ZNF675: variants seen among roughly 807,000 people sequenced by gnomAD.
ZNF675 encodes the protein zinc finger protein 675, also known as TRAF6 inhibitory zinc finger.
A neutral mutation model predicts 56.1 loss-of-function variants in ZNF675; 36 were observed. That is an observed-to-expected ratio of 0.64 (90% CI 0.49 to 0.85). The LOEUF is 0.85. ZNF675 is among the 40% of genes least tolerant of loss of function. The pLI is 0.00. For missense variants in ZNF675, 663 were observed against 654.2 expected, an observed-to-expected ratio of 1.01 and a Z score of -0.15; for synonymous variants, 200 against 218.9, an observed-to-expected ratio of 0.91 and a Z score of 0.76.
rs749885139 is a variant in ZNF675, at chr19:23,653,356, T to C, written c.1577A>G (p.His526Arg). 17 of 1,613,736 alleles carry C rather than the reference T, an allele frequency of 1.1e-5. No homozygotes were observed. Among genetic ancestry groups the C allele is most frequent in the Admixed American group, 1.0e-4 (6 of 60,020 alleles). The change falls in exon 4 of 4, where the codon CAT becomes CGT. Residue 526 changes from histidine to arginine, a missense_variant. By Grantham distance (29) the His-to-Arg change is conservative. Coordinates refer to ENST00000359788, the MANE Select transcript of ZNF675 (RefSeq NM_138330.3). ...AFSRSSKLTE[H>R]KIIHTGEKPY... ...TTTCTCTCCAGTATGAATTATCTTA[T>C]GTTCAGTAAGTTTTGAGGATCGGCT...
chr19:23,668,142 G>C (rs947759428), intron 1 of ZNF675, among the ~76,000 whole-genome samples: 3 of 150,854 alleles, frequency 2.0e-5, no homozygotes, highest in African/African-American at 7.3e-5. Flanking sequence ...TGAGGAGCTA[G>C]ACACAGGGTG....
rs1340202990 is a variant in ZNF675, at chr19:23,687,045, CA to C, written c.-13del. On this transcript the variant is annotated 5_prime_UTR_variant, in exon 1 of 4. Transcript: ENST00000359788. ...GTAACTCTCACCATTTCTAGGCTTC[CA>C]GGGGGTCCTGGAGTCTTAGCTGTGG... The C allele has an allele frequency of 6.2e-7, 1 of 1,613,564 alleles. No homozygotes were observed. The highest frequency in any genetic ancestry group is 8.5e-7 in the Non-Finnish European group (1 of 1,179,736).
rs764228470 is a variant in ZNF675 at position 23,653,430 on chromosome 19, A to G, written c.1503T>C (p.Ile501=). 4.3e-6 allele frequency: 7 copies of G among 1,612,800 alleles called. No homozygotes were observed. In the South Asian group the frequency reaches 7.7e-5, roughly 18 times the overall value. ...HSSSLTTHKR[I]HTGEKPYKCE... ...ATTTGTAGGGTTTCTCCCCAGTATGAATTCTTTTATGTGTAGTAAGGGATG... is the reference window on the plus strand; with the variant it reads ...ATTTGTAGGGTTTCTCCCCAGTATGGATTCTTTTATGTGTAGTAAGGGATG... Residue 501 remains isoleucine, a synonymous_variant, in exon 4 of 4, where the codon ATT becomes ATC. Transcript: ENST00000359788.
intron 1 of ZNF675, among the ~76,000 whole-genome samples, chr19:23,684,064 A>G (rs1264606149): frequency 1.3e-5 from 2 of 150,892 alleles, no homozygotes; most frequent in Non-Finnish European, 3.0e-5. Flanking sequence ...GATCAAGACC[A>G]TCCTGGCTAA....
In ZNF675 at chr19:23,654,863, A is replaced by ACG; in HGVS notation, c.227-158_227-157insCG. 3 of 340,216 alleles carry ACG rather than the reference A, an allele frequency of 8.8e-6. No homozygotes were observed. The East Asian group carries it at 1.2e-4, about 13-fold the overall frequency. 21.1% of individuals were successfully genotyped at this position (340,216 alleles called of 1,614,324 possible). On this transcript the variant is annotated intron_variant, in intron 3 of 3. Coordinates refer to ENST00000359788, the MANE Select transcript of ZNF675 (RefSeq NM_138330.3). The stretch of plus-strand genomic sequence containing the variant: ...CCAGGTGAGCACAATGCAAAGAGCC[A>ACG]CATAGAAAAAAAAAAAAAATTCTGT...
intron 1 of ZNF675, among the ~76,000 whole-genome samples, chr19:23,669,103 T>A (rs1397730639): frequency 6.6e-6 from 1 of 152,154 alleles, no homozygotes; most frequent in Admixed American, 6.5e-5. Flanking sequence ...GACCTTTTCC[T>A]TTTCTCCTTT....
chr19:23,661,430 C>A (rs556372226), intron 3 of ZNF675, among the ~76,000 whole-genome samples: 1 of 149,988 alleles, frequency 6.7e-6, no homozygotes. Context: ...GTGGCTCACA[C>A]CTGTAATCCC....
intron 1 of ZNF675, among the ~76,000 whole-genome samples, chr19:23,680,209 A>G (rs1023556233): frequency 1.3e-5 from 2 of 151,330 alleles, no homozygotes; most frequent in Non-Finnish European, 2.9e-5. Context: ...AGGCTGAGGC[A>G]GGTGACTCGC....
intron 1 of ZNF675, among the ~76,000 whole-genome samples, chr19:23,670,802 C>A (rs1007392310): frequency 1.3e-5 from 2 of 152,140 alleles, no homozygotes; most frequent in African/African-American, 4.8e-5. Flanking sequence ...TTTGATCTCT[C>A]ATGGAGAGAT....
intron 2 of ZNF675, among the ~76,000 whole-genome samples, chr19:23,662,552 A>G (rs1968092998): frequency 6.6e-6 from 1 of 152,256 alleles, no homozygotes; most frequent in African/African-American, 2.4e-5. Flanking sequence ...AACATACTAA[A>G]GAAATTCTTC....
intron 1 of ZNF675, among the ~76,000 whole-genome samples, chr19:23,675,837 A>T (rs1457004554): frequency 6.6e-6 from 1 of 151,660 alleles, no homozygotes. Context: ...AAAACAACAA[A>T]TAACTAAAAT....
At chr19:23,663,887 A>G (rs912361219) in intron 1 of ZNF675, among the ~76,000 whole-genome samples, 5 of 152,018 alleles carry the variant, frequency 3.3e-5, no homozygotes, top group African/African-American at 1.2e-4. Flanking sequence ...GGTTTTCCCA[A>G]TAGAAATGTT....
chr19:23,666,387 C>T (rs1968150958), intron 1 of ZNF675, among the ~76,000 whole-genome samples: 1 of 152,190 alleles, frequency 6.6e-6, no homozygotes, highest in African/African-American at 2.4e-5. Context: ...TGGTTTCTTC[C>T]TGCAACTAAT....
At chr19:23,681,257 G>T (rs1301423109) in intron 1 of ZNF675, among the ~76,000 whole-genome samples, 1 of 151,746 alleles carries the variant, frequency 6.6e-6, no homozygotes, top group Non-Finnish European at 1.5e-5. Flanking sequence ...GAAGCACTAG[G>T]ATAAACAATG....
rs544352171 is a variant in ZNF675, at chr19:23,678,587, A to G, written c.3+8444T>C. Among the ~76,000 whole-genome samples, 26 of 145,508 alleles carry G rather than the reference A, an allele frequency of 1.8e-4. No homozygotes were observed. In the East Asian group the frequency reaches 5.5e-3, roughly 31 times the overall value. On this transcript the variant is annotated intron_variant, in intron 1 of 3. Coordinates refer to ENST00000359788, the MANE Select transcript of ZNF675 (RefSeq NM_138330.3). ...CTTAACTTAAAAAAAAAAAAAATTAAATACATATGGAACCAAAAAAGAGCT... is the reference window on the plus strand; with the variant it reads ...CTTAACTTAAAAAAAAAAAAAATTAGATACATATGGAACCAAAAAAGAGCT...
intron 3 of ZNF675, chr19:23,655,528 T>G (rs1967971791): frequency 6.6e-6 from 1 of 151,360 alleles, no homozygotes; most frequent in Non-Finnish European, 1.5e-5. Flanking sequence ...ATTAACAGAG[T>G]GTAAACTTAC....
intron 3 of ZNF675, among the ~76,000 whole-genome samples, chr19:23,657,880 G>A (rs1184446952): frequency 6.6e-6 from 1 of 151,950 alleles, no homozygotes; most frequent in African/African-American, 2.4e-5. Flanking sequence ...ATAGATATGT[G>A]GCTGATTTAT....
intron 1 of ZNF675, among the ~76,000 whole-genome samples, chr19:23,683,506 C>T (rs1282579783): frequency 6.6e-6 from 1 of 152,130 alleles, no homozygotes; most frequent in Non-Finnish European, 1.5e-5. Context: ...ACTGCAACCT[C>T]CACCTCCTGG....
intron 3 of ZNF675, among the ~76,000 whole-genome samples, chr19:23,660,256 T>C (rs1434443923): frequency 6.6e-6 from 1 of 152,172 alleles, no homozygotes; most frequent in African/African-American, 2.4e-5. Flanking sequence ...AAAAGATCTT[T>C]ACCTTCTGAA....
Sources: gnomAD v4.1 joint callset for allele counts (sites outside exome capture counted in the v4.1 genomes callset) on GRCh38, gnomAD v4.1.1 for gene constraint, MANE v1.5 for transcripts, NCBI Gene and HGNC (gene_info 2026-07-23, HGNC 2026-07-21) for gene names.